The following LIN7A variants were observed in gnomAD, a reference collection of about 807,000 sequenced individuals.
LIN7A encodes protein lin-7 homolog A.
LIN7A carries 25 observed loss-of-function variants against 29.8 expected under a neutral mutation model. The observed-to-expected ratio is 0.84, with a 90% CI of 0.61 to 1.17. The LOEUF is 1.17. Ranked by LOEUF, LIN7A falls within the 50% of genes most tolerant of loss-of-function variation. The pLI, the probability that LIN7A is intolerant of heterozygous loss-of-function variation, is 0.00. For missense variants in LIN7A, 239 were observed against 287.0 expected, an observed-to-expected ratio of 0.83 and a Z score of 1.21; for synonymous variants, 118 against 107.5, an observed-to-expected ratio of 1.10 and a Z score of -0.60.
intron 5 of LIN7A, among the ~76,000 whole-genome samples, chr12:80,803,746 C>T (rs1870832682): frequency 6.6e-6 from 1 of 152,098 alleles, no homozygotes; most frequent in African/African-American, 2.4e-5. Context: ...TTTTAAGCTA[C>T]TATATTTGTG....
Position 80,889,330 on chromosome 12 carries a change from T to A in LIN7A, c.122A>T (p.Glu41Val), listed in dbSNP as rs775033878. 1.2e-5 allele frequency: 20 copies of A among 1,612,540 alleles called. 1 individual carries two copies. The South Asian group carries it at 2.2e-4, about 18-fold the overall frequency. Residue 41 changes from glutamate (E) to valine (V), a missense_variant, in exon 2 of 6, where the codon GAA (glutamate) becomes GTA (valine). Transcript: ENST00000552864. ...RAIELLEKLQ[E>V]SGEVPVHKLQ... Reference sequence around the variant, plus strand: ...CTTGTGCACTGGTACTTCTCCAGATTCCTGTAGTTTTTCCAGTAATTCAAT... The same window carrying A: ...CTTGTGCACTGGTACTTCTCCAGATACCTGTAGTTTTTCCAGTAATTCAAT...
chr12:80,809,614 T>C (rs1871193874), intron 5 of LIN7A, among the ~76,000 whole-genome samples: 1 of 152,208 alleles, frequency 6.6e-6, no homozygotes, highest in Non-Finnish European at 1.5e-5. Flanking sequence ...TATTTTAGCT[T>C]CATATTTTCA....
At chr12:80,881,535 C>T (rs921072506) in intron 2 of LIN7A, among the ~76,000 whole-genome samples, 15 of 151,344 alleles carry the variant, frequency 9.9e-5, no homozygotes, top group African/African-American at 3.4e-4. Flanking sequence ...TATTTTAAAA[C>T]AATAAAAATA....
chr12:80,907,352 TAAG>T lies in LIN7A; in HGVS notation c.83-17986_83-17984del, dbSNP rs1215730412. Among the ~76,000 whole-genome samples the T allele has an allele frequency of 3.3e-5, 5 of 152,296 alleles. No individual in the cohort carries two copies. The East Asian group carries it at 9.6e-4, about 29-fold the overall frequency. ...CTATGATGTTTGGAATGGGAGGCAA[TAAG>T]GACATATGTGCTTAACCTACTATCT... On this transcript the variant is annotated intron_variant, in intron 1 of 5. Transcript: ENST00000552864.
intron 2 of LIN7A, among the ~76,000 whole-genome samples, chr12:80,888,238 A>G (rs1406411492): frequency 6.6e-6 from 1 of 152,198 alleles, no homozygotes; most frequent in Non-Finnish European, 1.5e-5. Flanking sequence ...AAGTCAACAC[A>G]TTCCAGCAAA....
intron 5 of LIN7A, among the ~76,000 whole-genome samples, chr12:80,808,771 C>A: frequency 6.6e-6 from 1 of 152,142 alleles, no homozygotes; most frequent in East Asian, 1.9e-4. Context: ...TCCCAAAGTG[C>A]TGGGATTACA....
At chr12:80,842,813 G>A (rs2121547823) in intron 4 of LIN7A, among the ~76,000 whole-genome samples, 1 of 151,924 alleles carries the variant, frequency 6.6e-6, no homozygotes, top group African/African-American at 2.4e-5. Context: ...ATGAACACCT[G>A]GTCAATATTA....
At chr12:80,875,233 G>C (rs1874625658) in intron 2 of LIN7A, among the ~76,000 whole-genome samples, 1 of 151,914 alleles carries the variant, frequency 6.6e-6, no homozygotes, top group South Asian at 2.1e-4. Context: ...GTACCAAATG[G>C]ATCAGTCTCA....
chr12:80,917,536 ATGTT>A (rs900710601), intron 1 of LIN7A, among the ~76,000 whole-genome samples: 2 of 152,168 alleles, frequency 1.3e-5, no homozygotes, highest in South Asian at 2.1e-4. Context: ...ATAATTTAAA[ATGTT>A]TGTTTTTTTA....
rs189053495 is a variant in LIN7A at position 80,822,785 on chromosome 12, A to G, written c.484-11102T>C. On this transcript the variant is annotated intron_variant, in intron 4 of 5. Coordinates refer to ENST00000552864, the MANE Select transcript of LIN7A (RefSeq NM_004664.4). Reference sequence around the variant, plus strand: ...TCTCAGCACAAAGAGCCAGGGTGCCATGGGCATCAAGGATGGCAGGTTAAT... The same window carrying G: ...TCTCAGCACAAAGAGCCAGGGTGCCGTGGGCATCAAGGATGGCAGGTTAAT... 4.9e-3 allele frequency among the ~76,000 whole-genome samples: 743 copies of G among 152,118 alleles called. 3 individuals carry two copies. Among genetic ancestry groups the G allele is most frequent in the African/African-American group, 0.016 (684 of 41,518 alleles).
rs889797727 is a variant in LIN7A at position 80,925,110 on chromosome 12, G to C, written c.82+12531C>G. On this transcript the variant is annotated intron_variant, in intron 1 of 5. Transcript: ENST00000552864. The stretch of plus-strand genomic sequence containing the variant: ...CCACTAATTTACTCAGCAAATGTTT[G>C]AGCACATATCTTTCAAGCACTGTGA... Among the ~76,000 whole-genome samples the C allele has an allele frequency of 2.0e-5, 3 of 152,270 alleles. 1 individual carries two copies. The highest frequency in any genetic ancestry group is 2.0e-4 in the Admixed American group (3 of 15,304).
intron 2 of LIN7A, among the ~76,000 whole-genome samples, chr12:80,879,672 A>AAG (rs1874920708): frequency 6.7e-6 from 1 of 148,534 alleles, no homozygotes; most frequent in African/African-American, 2.5e-5. Context: ...AAAAAAAAAA[A>AAG]GGAAGAAGTT....
intron 1 of LIN7A, among the ~76,000 whole-genome samples, chr12:80,907,055 C>CTGTGTGTG (rs529376132): frequency 2.1e-3 from 310 of 145,380 alleles, no homozygotes; most frequent in African/African-American, 7.3e-3. Flanking sequence ...AGTGCGTGCT[C>CTGTGTGTG]TGTGTGTGTG....
intron 2 of LIN7A, among the ~76,000 whole-genome samples, chr12:80,887,286 A>G (rs774468741): frequency 6.6e-6 from 1 of 152,060 alleles, no homozygotes; most frequent in Non-Finnish European, 1.5e-5. Context: ...TCTACTCACT[A>G]CTTTTTCACT....
chr12:80,911,366 T>G (rs1473322437), intron 1 of LIN7A, among the ~76,000 whole-genome samples: 1 of 151,266 alleles, frequency 6.6e-6, no homozygotes, highest in Non-Finnish European at 1.5e-5. Flanking sequence ...TCCTCCCACT[T>G]CAGGCTACTG....
intron 4 of LIN7A, among the ~76,000 whole-genome samples, chr12:80,813,214 T>G (rs1176811284): frequency 6.6e-6 from 1 of 152,198 alleles, no homozygotes; most frequent in Admixed American, 6.5e-5. Context: ...GGTTTCACCA[T>G]GTTAGCCAGG....
At chr12:80,931,407 G>A (rs1877895784) in intron 1 of LIN7A, among the ~76,000 whole-genome samples, 1 of 152,196 alleles carries the variant, frequency 6.6e-6, no homozygotes, top group African/African-American at 2.4e-5. Context: ...TTGGGAGGCT[G>A]AGGCACGCGC....
At chr12:80,935,666 G>T in intron 1 of LIN7A, 1 of 345,714 alleles carries the variant, frequency 2.9e-6, no homozygotes, top group Admixed American at 2.6e-5. Flanking sequence ...TTGACTTTAT[G>T]CTCAGTGGTG....
intron 2 of LIN7A, among the ~76,000 whole-genome samples, chr12:80,880,165 A>T (rs535912185): frequency 6.6e-6 from 1 of 152,180 alleles, no homozygotes; most frequent in Non-Finnish European, 1.5e-5. Context: ...TGGAAAGGTC[A>T]CAAGATTTTA....
Sources: gnomAD v4.1 joint callset for allele counts (sites outside exome capture counted in the v4.1 genomes callset) on GRCh38, gnomAD v4.1.1 for gene constraint, MANE v1.5 for transcripts, NCBI Gene and HGNC (gene_info 2026-07-23, HGNC 2026-07-21) for gene names.